The following FGF13 variants were observed in gnomAD, a reference collection of about 807,000 sequenced individuals.
FGF13 encodes the protein fibroblast growth factor homologous factor 2.
Under a neutral mutation model 19.5 loss-of-function variants are expected in FGF13, and 2 were observed. The observed-to-expected ratio is 0.10, with a 90% CI of 0.04 to 0.32. The LOEUF (loss-of-function observed/expected upper bound fraction) is 0.32. Among genes scored for constraint, FGF13 ranks in the 10% least tolerant of loss-of-function variants. The pLI, the probability that FGF13 is intolerant of heterozygous loss-of-function variation, is 1.00. For missense variants in FGF13, 113 were observed against 192.7 expected (o/e 0.59, Z 2.45); for synonymous variants, 72 against 76.9 (o/e 0.94, Z 0.33).
intron 1 of FGF13, among the ~76,000 whole-genome samples, chrX:138,883,539 G>A (rs984214507): frequency 9.0e-6 from 1 of 111,524 alleles, no homozygotes; most frequent in African/African-American, 3.3e-5. Flanking sequence ...CATGGTTACT[G>A]AAAATCTCAT....
At chrX:138,872,971 A>G (rs960366700) in intron 1 of FGF13, among the ~76,000 whole-genome samples, 2 of 111,611 alleles carry the variant, frequency 1.8e-5, no homozygotes, top group African/African-American at 3.3e-5. Flanking sequence ...CGTCTATCCA[A>G]TTGCTTTTTA....
chrX:138,647,503 C>T (rs1244201401), intron 3 of FGF13, among the ~76,000 whole-genome samples: 1 of 111,385 alleles, frequency 9.0e-6, no homozygotes, highest in Non-Finnish European at 1.9e-5. Context: ...TGCGGTGAAG[C>T]CTGAATCCTA....
At chrX:138,636,293 A>G (rs2089183690) in intron 3 of FGF13, among the ~76,000 whole-genome samples, 1 of 111,925 alleles carries the variant, frequency 8.9e-6, no homozygotes, top group African/African-American at 3.2e-5. Flanking sequence ...ATGCAAATCA[A>G]TACAAAAGCA....
intron 1 of FGF13, among the ~76,000 whole-genome samples, chrX:138,891,009 T>C (rs1162162821): frequency 8.9e-6 from 1 of 112,057 alleles, no homozygotes; most frequent in Non-Finnish European, 1.9e-5. Flanking sequence ...AAAACATTTG[T>C]GGCCGGGAGC....
intron 1 of FGF13, among the ~76,000 whole-genome samples, chrX:139,122,283 G>A (rs2083682952): frequency 9.0e-6 from 1 of 111,693 alleles, no homozygotes. Flanking sequence ...TAATCATGGT[G>A]TGAAGTTATT....
At chrX:139,128,279 C>T (rs749200959) in intron 1 of FGF13, among the ~76,000 whole-genome samples, 22 of 111,259 alleles carry the variant, frequency 2.0e-4, no homozygotes, top group South Asian at 3.9e-4. Flanking sequence ...TTTCCCAGTT[C>T]CTAAAGGCCT....
chrX:139,087,000 A>G (rs2083408099), intron 1 of FGF13, among the ~76,000 whole-genome samples: 1 of 112,846 alleles, frequency 8.9e-6, no homozygotes, highest in South Asian at 3.6e-4. Context: ...AGTTCATTTT[A>G]AAGAATAAGA....
chrX:139,141,839 A>G (rs746268603), intron 1 of FGF13, among the ~76,000 whole-genome samples: 1 of 112,350 alleles, frequency 8.9e-6, no homozygotes, highest in Non-Finnish European at 1.9e-5. Context: ...GTAGGCACAT[A>G]ATAGGTACTC....
At chrX:138,744,463 A>G (rs998497465) in intron 3 of FGF13, among the ~76,000 whole-genome samples, 2 of 111,933 alleles carry the variant, frequency 1.8e-5, no homozygotes, top group Non-Finnish European at 3.8e-5. Flanking sequence ...TAAGAATTAA[A>G]TGAGATATTT....
At position 138,632,986 on chromosome X, in the gene FGF13, A is replaced by G. The variant is rs1410717320; in HGVS notation, c.602T>C (p.Val201Ala). The change falls in exon 5 of 5, where the codon GTG becomes GCG. Residue 201 changes from valine to alanine, a missense_variant and splice_region_variant. Coordinates refer to ENST00000315930, the MANE Select transcript of FGF13 (RefSeq NM_004114.5). ...CAGTGATGGCTCCTTGTACATGGCC[A>G]CTGAAAAGCACACAAAGATGGTGTA... ...AAHFLPKPLK[V>A]AMYKEPSLHD... 2.5e-6 allele frequency: 3 copies of G among 1,205,474 alleles called. No homozygotes were observed. The highest frequency in any genetic ancestry group is 3.4e-6 in the Non-Finnish European group (3 of 891,691).
At chrX:139,125,070 T>C (rs1037300863) in intron 1 of FGF13, among the ~76,000 whole-genome samples, 2 of 112,041 alleles carry the variant, frequency 1.8e-5, no homozygotes, top group African/African-American at 6.5e-5. Flanking sequence ...AGAAAATCTT[T>C]TAATTTTTTT....
intron 1 of FGF13, among the ~76,000 whole-genome samples, chrX:139,179,961 G>C (rs139572023): frequency 2.1e-3 from 237 of 113,205 alleles, no homozygotes; most frequent in African/African-American, 7.2e-3. Context: ...TGTGTCCCTA[G>C]TATCCATCAT....
intron 1 of FGF13, among the ~76,000 whole-genome samples, chrX:139,127,382 C>T (rs1413464606): frequency 1.8e-5 from 2 of 111,722 alleles, no homozygotes; most frequent in Non-Finnish European, 3.8e-5. Context: ...AAGGTCTTCA[C>T]CTCTTGAGAA....
intron 1 of FGF13, among the ~76,000 whole-genome samples, chrX:138,736,509 A>G (rs1048621680): frequency 3.6e-5 from 4 of 111,170 alleles, no homozygotes; most frequent in Non-Finnish European, 7.5e-5. Flanking sequence ...TTGGAACTGC[A>G]TATCATGAGA....
intron 1 of FGF13, among the ~76,000 whole-genome samples, chrX:139,198,780 A>G (rs1341124556): frequency 2.7e-5 from 3 of 111,465 alleles, no homozygotes; most frequent in African/African-American, 9.8e-5. Context: ...AAGGAAAAAA[A>G]TGGCCATCCA....
chrX:139,009,535 T>C (rs2092119325), intron 1 of FGF13, among the ~76,000 whole-genome samples: 1 of 111,711 alleles, frequency 9.0e-6, no homozygotes, highest in Non-Finnish European at 1.9e-5. Context: ...GCCAAAAATT[T>C]TGTATCCAGC....
chrX:138,913,182 C>CTTTTTTTTTTTTTTT (rs35078012), intron 1 of FGF13, among the ~76,000 whole-genome samples: 4 of 37,092 alleles, frequency 1.1e-4, no homozygotes, highest in African/African-American at 5.0e-4. Flanking sequence ...AAAGCATCTA[C>CTTTTTTTTTTTTTTT]TTTTTTTTTT....
chrX:139,128,322 A>G (rs759418301), intron 1 of FGF13, among the ~76,000 whole-genome samples: 11 of 111,626 alleles, frequency 9.9e-5, no homozygotes, highest in Non-Finnish European at 1.3e-4. Context: ...TAATCTCTAA[A>G]GGCCTAGAAT....
intron 1 of FGF13, among the ~76,000 whole-genome samples, chrX:139,035,121 TA>T (rs981316725): frequency 9.0e-6 from 1 of 111,268 alleles, no homozygotes; most frequent in African/African-American, 3.3e-5. Flanking sequence ...GCAGATCTAA[TA>T]AATATATAAT....
Sources: gnomAD v4.1 joint callset for allele counts (sites outside exome capture counted in the v4.1 genomes callset) on GRCh38, gnomAD v4.1.1 for gene constraint, MANE v1.5 for transcripts, NCBI Gene and HGNC (gene_info 2026-07-23, HGNC 2026-07-21) for gene names.